The following NAPEPLD variants were observed in gnomAD, a reference collection of about 807,000 sequenced individuals.
The protein encoded by NAPEPLD is N-acyl phosphatidylethanolamine phospholipase D.
A neutral mutation model predicts 38.1 loss-of-function variants in NAPEPLD; 23 were observed. That is an observed-to-expected ratio of 0.60 (90% CI 0.43 to 0.86). NAPEPLD has a LOEUF of 0.86. Ranked by LOEUF, NAPEPLD falls within the 40% of genes least tolerant of loss-of-function variation. NAPEPLD has a pLI of 0.00. For synonymous variants in NAPEPLD, 147 were observed against 162.0 expected, an observed-to-expected ratio of 0.91 and a Z score of 0.71; for missense variants, 411 against 476.8, an observed-to-expected ratio of 0.86 and a Z score of 1.28.
intron 2 of NAPEPLD, among the ~76,000 whole-genome samples, chr7:103,124,213 C>T (rs1403556810): frequency 6.6e-6 from 1 of 152,090 alleles, no homozygotes; most frequent in African/African-American, 2.4e-5. Context: ...AATCCCAGCA[C>T]TTTGGGAGGC....
chr7:103,113,500 C>CT (rs1383652502), intron 4 of NAPEPLD, among the ~76,000 whole-genome samples: 1 of 151,350 alleles, frequency 6.6e-6, no homozygotes, highest in Admixed American at 6.6e-5. Context: ...CAAGAAAACA[C>CT]TGAGTTCCTG....
intron 1 of NAPEPLD, among the ~76,000 whole-genome samples, chr7:103,139,685 A>T (rs1275661374): frequency 6.6e-6 from 1 of 152,234 alleles, no homozygotes; most frequent in African/African-American, 2.4e-5. Flanking sequence ...GCAAAGGGGC[A>T]GACATGTTAT....
At chr7:103,115,529 G>A (rs977018094) in intron 3 of NAPEPLD, among the ~76,000 whole-genome samples, 4 of 152,202 alleles carry the variant, frequency 2.6e-5, no homozygotes, top group African/African-American at 9.6e-5. Context: ...TCTGAATAGT[G>A]AGATTTTTGT....
upstream of NAPEPLD, chr7:103,149,260 C>T: frequency 4.0e-6 from 4 of 1,000,636 alleles, no homozygotes; most frequent in Middle Eastern, 5.1e-4. Flanking sequence ...GGGGTGCGAG[C>T]GCGGGGGTGC....
intron 1 of NAPEPLD, among the ~76,000 whole-genome samples, chr7:103,142,250 G>A (rs1005558594): frequency 2.6e-4 from 40 of 152,174 alleles, no homozygotes; most frequent in African/African-American, 8.9e-4. Flanking sequence ...AGTTAGAGAG[G>A]CAGCATCATC....
At chr7:103,145,049 T>C (rs992465460) in intron 1 of NAPEPLD, among the ~76,000 whole-genome samples, 5 of 152,190 alleles carry the variant, frequency 3.3e-5, no homozygotes, top group East Asian at 3.9e-4. Flanking sequence ...ACTCCCTTGG[T>C]TCTGGGAAAA....
At chr7:103,143,336 T>C (rs1286992929) in intron 1 of NAPEPLD, among the ~76,000 whole-genome samples, 1 of 151,982 alleles carries the variant, frequency 6.6e-6, no homozygotes, top group Non-Finnish European at 1.5e-5. Context: ...GACGAAAAGA[T>C]GCCTGCCATA....
At chr7:103,130,786 G>A (rs2129531252) in intron 1 of NAPEPLD, among the ~76,000 whole-genome samples, 1 of 152,104 alleles carries the variant, frequency 6.6e-6, no homozygotes, top group African/African-American at 2.4e-5. Context: ...TAGTAGAGAT[G>A]GGGTTTCACC....
chr7:103,108,380 A>G (rs1460582347), intron 4 of NAPEPLD, among the ~76,000 whole-genome samples: 1 of 152,064 alleles, frequency 6.6e-6, no homozygotes, highest in African/African-American at 2.4e-5. Context: ...TGACCTCATG[A>G]TCTGCCCGCC....
chr7:103,107,998 A>G (rs1803732928), intron 4 of NAPEPLD, among the ~76,000 whole-genome samples: 1 of 152,052 alleles, frequency 6.6e-6, no homozygotes, highest in East Asian at 1.9e-4. Flanking sequence ...GCAACCAGAG[A>G]GAAACTTCAG....
chr7:103,141,657 A>G, intron 1 of NAPEPLD: 1 of 912,664 alleles, frequency 1.1e-6, no homozygotes, highest in South Asian at 1.3e-5. Flanking sequence ...CTCCTCATCC[A>G]CGTGACCTTC....
intron 4 of NAPEPLD, among the ~76,000 whole-genome samples, chr7:103,105,278 G>A (rs1231462227): frequency 6.6e-6 from 1 of 152,082 alleles, no homozygotes; most frequent in East Asian, 1.9e-4. Flanking sequence ...GAGTAAATGG[G>A]AAAAGCAGAA....
At chr7:103,148,299 G>T (rs1191482133) in intron 1 of NAPEPLD, among the ~76,000 whole-genome samples, 1 of 151,446 alleles carries the variant, frequency 6.6e-6, no homozygotes, top group Non-Finnish European at 1.5e-5. Flanking sequence ...ATATAACAAC[G>T]TACAGTAAAG....
chr7:103,126,595 T>A (rs1376370556), intron 2 of NAPEPLD, among the ~76,000 whole-genome samples: 1 of 27,562 alleles, frequency 3.6e-5, no homozygotes, highest in Admixed American at 7.2e-4. Flanking sequence ...CTCCTCAGAA[T>A]GCAATTTTTT....
chr7:103,125,747 C>T (rs1432541383), intron 2 of NAPEPLD, among the ~76,000 whole-genome samples: 4 of 151,822 alleles, frequency 2.6e-5, no homozygotes, highest in Non-Finnish European at 4.4e-5. Flanking sequence ...ATTAGCCAGG[C>T]GTGGTGGCAG....
At chr7:103,142,148 G>A (rs1811536520) in intron 1 of NAPEPLD, among the ~76,000 whole-genome samples, 1 of 152,208 alleles carries the variant, frequency 6.6e-6, no homozygotes, top group African/African-American at 2.4e-5. Context: ...CATTTAGGAA[G>A]GATCAAAGGG....
chr7:103,119,835 A>G lies in NAPEPLD; in HGVS notation c.683T>C (p.Ile228Thr), dbSNP rs377641610. ...WMQKCGCENV[I>T]ELDWWEENCV... ...ATTCTCCTCCCACCAGTCCAACTCA[A>G]TCACATTCTCACAGCCACATTTTTG... Residue 228 changes from isoleucine (I) to threonine (T), a missense_variant, in exon 3 of 5, where the codon ATT (isoleucine) becomes ACT (threonine). Physicochemically the swap from Ile to Thr is moderately conservative, Grantham distance 89. Coordinates refer to ENST00000465647, the MANE Select transcript of NAPEPLD (RefSeq NM_001122838.3). 3.1e-6 allele frequency: 5 copies of G among 1,614,044 alleles called. No homozygotes were observed. The highest frequency in any genetic ancestry group is 2.7e-5 in the African/African-American group (2 of 74,892).
rs751944699 is a variant in NAPEPLD, at chr7:103,103,405, T to G, written c.*24A>C. ...TAAACTTAGATGATGCCTTTTTCAT[T>G]AAAAGTGCCTGTGCTCACATTTATT... On this transcript the variant is annotated 3_prime_UTR_variant, in exon 5 of 5. Transcript: ENST00000465647. 1.7e-5 allele frequency: 26 copies of G among 1,521,854 alleles called. No homozygotes were observed. The African/African-American group carries it at 2.3e-4, about 13-fold the overall frequency. 94.3% of individuals were successfully genotyped at this position (1,521,854 alleles called of 1,614,324 possible).
rs1032711214 is a variant in NAPEPLD, at chr7:103,100,351, A to C, written c.*3078T>G. 1.3e-5 allele frequency: 2 copies of C among 152,240 alleles called. No individual in the cohort carries two copies. Among genetic ancestry groups the C allele is most frequent in the African/African-American group, 4.8e-5 (2 of 41,458 alleles). 9.4% of individuals were successfully genotyped at this position (152,240 alleles called of 1,614,324 possible). ...TGTGCTTTAGCAGCAGTAGATTCTA[A>C]AACTGTGTCTTCTTGTCCTCTCATT... On this transcript the variant is annotated 3_prime_UTR_variant, in exon 5 of 5. Transcript: ENST00000465647.
Sources: allele counts gnomAD v4.1 joint callset (sites outside exome capture counted in the v4.1 genomes callset), GRCh38; gene constraint gnomAD v4.1.1; transcripts MANE v1.5; gene names NCBI Gene and HGNC (gene_info 2026-07-23, HGNC 2026-07-21).